PLEKHA5: variants seen among roughly 807,000 people sequenced by gnomAD.
PLEKHA5 encodes pleckstrin homology domain containing A5, also known as pleckstrin homology domain-containing family A member 5.
In PLEKHA5, 55 loss-of-function variants were observed where a neutral mutation model predicts 181.9. The ratio of observed to expected loss-of-function variants is 0.30; its 90% CI spans 0.24 to 0.38. PLEKHA5 has a LOEUF of 0.38. Among genes scored for constraint, PLEKHA5 ranks in the 10% least tolerant of loss-of-function variants. PLEKHA5 has a pLI of 1.00. For missense variants in PLEKHA5, 1,432 were observed against 1,549.5 expected (o/e 0.92, Z 1.27); for synonymous variants, 535 against 529.4 (o/e 1.01, Z -0.15).
intron 3 of PLEKHA5, among the ~76,000 whole-genome samples, chr12:19,170,731 T>C (rs1360167940): frequency 6.6e-6 from 1 of 152,244 alleles, no homozygotes; most frequent in Non-Finnish European, 1.5e-5. Context: ...CTAATAATTT[T>C]ATATTTAACT....
chr12:19,358,430 C>T lies in PLEKHA5; in HGVS notation c.3341C>T (p.Thr1114Ile). The T allele has an allele frequency of 6.3e-7, 1 of 1,592,838 alleles. No individual in the cohort carries two copies. Among genetic ancestry groups the T allele is most frequent in the Non-Finnish European group, 8.6e-7 (1 of 1,160,884 alleles). Residue 1114 changes from threonine (T) to isoleucine (I), a missense_variant, in exon 27 of 32, where the codon ACT (threonine) becomes ATT (isoleucine). This residue lies in a region of PLEKHA5 where 1,143 missense variants were observed against 1,168.4 expected (regional missense o/e 0.98). Coordinates refer to ENST00000429027, the MANE Select transcript of PLEKHA5 (RefSeq NM_001256470.2). ...PSNLRDNPFR[T>I]TQTRRRDDKE... Reference sequence around the variant, plus strand: ...AATTTAAGGGATAATCCATTTAGGACTACTCAGGTATATGAATTGCATTTG... The same window carrying T: ...AATTTAAGGGATAATCCATTTAGGATTACTCAGGTATATGAATTGCATTTG...
chr12:19,374,816 G>C (rs2095673870), intron 31 of PLEKHA5, among the ~76,000 whole-genome samples: 1 of 150,498 alleles, frequency 6.6e-6, no homozygotes, highest in Non-Finnish European at 1.5e-5. Flanking sequence ...TTAGCTGGAT[G>C]TGGTGATGTG....
intron 7 of PLEKHA5, 97 bp from the exon 8 acceptor site, chr12:19,265,653 T>C: frequency 1.5e-6 from 1 of 685,416 alleles, no homozygotes; most frequent in East Asian, 2.5e-5. Context: ...AGTTCATTTA[T>C]GTACAAGAAC....
rs966772894 is a variant in PLEKHA5, at chr12:19,220,371, G to A, written c.228-33569G>A. Among the ~76,000 whole-genome samples the A allele has an allele frequency of 5.3e-4, 80 of 151,908 alleles. 1 individual carries two copies. Among genetic ancestry groups the A allele is most frequent in the South Asian group, 2.1e-4 (1 of 4,832 alleles). On this transcript the variant is annotated intron_variant, in intron 3 of 31. Transcript: ENST00000429027. ...TGAGAAAAGTTATCAGTTAACTGAC[G>A]TCATCTAGCTTGCAGTCTGCGTCAT...
intron 28 of PLEKHA5, among the ~76,000 whole-genome samples, chr12:19,361,214 C>T (rs1038221666): frequency 3.9e-5 from 6 of 152,040 alleles, no homozygotes; most frequent in African/African-American, 1.2e-4. Context: ...GACGGAGTCT[C>T]GCTCTGTCAC....
intron 3 of PLEKHA5, among the ~76,000 whole-genome samples, chr12:19,249,160 C>A (rs1306840962): frequency 1.3e-5 from 2 of 152,224 alleles, no homozygotes; most frequent in Admixed American, 1.3e-4. Context: ...CAGCAAGACC[C>A]CATCTCTGTT....
intron 21 of PLEKHA5, among the ~76,000 whole-genome samples, chr12:19,341,800 T>A (rs2093951313): frequency 6.6e-6 from 1 of 152,122 alleles, no homozygotes; most frequent in Non-Finnish European, 1.5e-5. Flanking sequence ...TGGCACGATC[T>A]TGGCTCACTG....
intron 3 of PLEKHA5, among the ~76,000 whole-genome samples, chr12:19,171,266 A>G (rs2045825981): frequency 6.6e-6 from 1 of 152,148 alleles, no homozygotes; most frequent in Non-Finnish European, 1.5e-5. Flanking sequence ...CTGTGACAAG[A>G]CTTTGATGAA....
At chr12:19,181,421 A>G (rs2048541141) in intron 3 of PLEKHA5, among the ~76,000 whole-genome samples, 1 of 152,246 alleles carries the variant, frequency 6.6e-6, no homozygotes, top group Non-Finnish European at 1.5e-5. Flanking sequence ...AACTCAATAT[A>G]GTAAAAGGTG....
intron 3 of PLEKHA5, among the ~76,000 whole-genome samples, chr12:19,236,501 C>T (rs2061429382): frequency 1.3e-5 from 2 of 151,620 alleles, no homozygotes; most frequent in Admixed American, 1.3e-4. Context: ...GCAATTTTAG[C>T]CTTTTGTATA....
chr12:19,232,178 G>A (rs375663015), intron 3 of PLEKHA5, among the ~76,000 whole-genome samples: 2 of 152,228 alleles, frequency 1.3e-5, no homozygotes, highest in South Asian at 2.1e-4. Flanking sequence ...CTTTCCATCT[G>A]TTGTGCAAGA....
Position 19,274,903 on chromosome 12 carries a change from A to G in PLEKHA5, c.1233A>G (p.Ile411Met). 6.2e-7 allele frequency: 1 copy of G among 1,613,998 alleles called. No individual in the cohort carries two copies. Among genetic ancestry groups the G allele is most frequent in the Non-Finnish European group, 8.5e-7 (1 of 1,180,028 alleles). Residue 411 changes from isoleucine (I) to methionine (M), a missense_variant, in exon 11 of 32, where the codon ATA becomes ATG. Transcript: ENST00000429027. ...TATACACAGAGGCCGATCGAGTCAT[A>G]CAGAGAACAAATTCAATGCAGCAGT... ...GPLYTEADRV[I>M]QRTNSMQQLE...
In PLEKHA5 at chr12:19,274,881, A is replaced by G; in HGVS notation, c.1211A>G (p.Tyr404Cys). 1 of 1,614,042 alleles carries G rather than the reference A, an allele frequency of 6.2e-7. No homozygotes were observed. Among genetic ancestry groups the G allele is most frequent in the African/African-American group, 1.3e-5 (1 of 75,022 alleles). Residue 404 changes from tyrosine (Y) to cysteine (C), a missense_variant, in exon 11 of 32, where the codon TAC becomes TGC. By Grantham distance (194) the Tyr-to-Cys change is radical. Coordinates refer to ENST00000429027, the MANE Select transcript of PLEKHA5 (RefSeq NM_001256470.2). ...AATCGCCCCAATACAGGGCCCTTAT[A>G]CACAGAGGCCGATCGAGTCATACAG... is the stretch of plus-strand genomic sequence containing the variant. ...GGNRPNTGPLYTEADRVIQRT... is the reference protein window; with the variant it reads ...GGNRPNTGPLCTEADRVIQRT...
At chr12:19,233,516 G>A (rs765914299) in intron 3 of PLEKHA5, among the ~76,000 whole-genome samples, 1 of 151,934 alleles carries the variant, frequency 6.6e-6, no homozygotes, top group Non-Finnish European at 1.5e-5. Flanking sequence ...ACCAATTTAC[G>A]GTATTCAGAA....
At chr12:19,178,040 T>G (rs2047712751) in intron 3 of PLEKHA5, among the ~76,000 whole-genome samples, 1 of 152,212 alleles carries the variant, frequency 6.6e-6, no homozygotes, top group Non-Finnish European at 1.5e-5. Context: ...ATCTTCATAC[T>G]CCTGCACACA....
At chr12:19,349,297 G>A (rs1474423862) in intron 25 of PLEKHA5, among the ~76,000 whole-genome samples, 2 of 152,084 alleles carry the variant, frequency 1.3e-5, no homozygotes, top group South Asian at 2.1e-4. Context: ...TTAAGTATTT[G>A]TAGAGACAAG....
At chr12:19,197,676 CTGTG>C (rs3056412) in intron 3 of PLEKHA5, among the ~76,000 whole-genome samples, 12,580 of 110,764 alleles carry the variant, frequency 0.11, 806 homozygotes, top group East Asian at 0.21. Context: ...CTATCCGGTG[CTGTG>C]TGTGTGTGTG....
At chr12:19,270,787 G>A (rs974155763) in intron 10 of PLEKHA5, among the ~76,000 whole-genome samples, 3 of 152,122 alleles carry the variant, frequency 2.0e-5, no homozygotes, top group Non-Finnish European at 2.9e-5. Context: ...AGATGCTAAT[G>A]TGCATCTTTT....
intron 12 of PLEKHA5, among the ~76,000 whole-genome samples, chr12:19,285,771 T>G (rs576521179): frequency 6.6e-6 from 1 of 152,360 alleles, no homozygotes; most frequent in Admixed American, 6.5e-5. Flanking sequence ...ATAATTTTAT[T>G]GAACCTTAAC....
Sources: gnomAD v4.1 joint callset for allele counts (sites outside exome capture counted in the v4.1 genomes callset) on GRCh38, gnomAD v4.1.1 for gene constraint, gnomAD v4.1.1 regional missense constraint, MANE v1.5 for transcripts, NCBI Gene and HGNC (gene_info 2026-07-23, HGNC 2026-07-21) for gene names.